Variants in GNA14 observed in about 807,000 individuals in gnomAD.
GNA14 encodes G protein subunit alpha 14, also known as guanine nucleotide-binding protein subunit alpha-14.
A neutral mutation model predicts 42.0 loss-of-function variants in GNA14; 50 were observed. The ratio of observed to expected loss-of-function variants is 1.19; its 90% CI spans 0.95 to 1.51. The LOEUF (loss-of-function observed/expected upper bound fraction) is 1.51. Ranked by LOEUF, GNA14 falls within the 40% of genes most tolerant of loss-of-function variation. The pLI is 0.00. For missense variants in GNA14, 473 were observed against 446.2 expected (o/e 1.06, Z -0.54); for synonymous variants, 173 against 163.1 (o/e 1.06, Z -0.46).
intron 1 of GNA14, among the ~76,000 whole-genome samples, chr9:77,541,174 C>T (rs1313669433): frequency 6.6e-6 from 1 of 152,164 alleles, no homozygotes; most frequent in African/African-American, 2.4e-5. Context: ...CCTTTCACTT[C>T]ACTTCCAGGT....
rs1338137204 is a variant in GNA14, at chr9:77,447,116, A to ATGTTAG, written c.310-12595_310-12594insCTAACA. On this transcript the variant is annotated intron_variant, in intron 2 of 6. Coordinates refer to ENST00000341700, the MANE Select transcript of GNA14 (RefSeq NM_004297.4). ...GTAGCTGGGATTACAGGCACACACC[A>ATGTTAG]CCACGCCGAGTAGAGATGGGGTTTC... Among the ~76,000 whole-genome samples, 8 of 152,028 alleles carry ATGTTAG rather than the reference A, an allele frequency of 5.3e-5. No homozygotes were observed. In the East Asian group the frequency reaches 1.5e-3, roughly 29 times the overall value.
At chr9:77,632,355 C>G (rs1455948990) in intron 1 of GNA14, among the ~76,000 whole-genome samples, 1 of 152,176 alleles carries the variant, frequency 6.6e-6, no homozygotes, top group Non-Finnish European at 1.5e-5. Flanking sequence ...GGCCTGAAGG[C>G]TGTTGGCTGG....
At position 77,474,657 on chromosome 9, in the gene GNA14, G is replaced by C. The variant is rs138161687; in HGVS notation, c.310-40135C>G. Reference sequence around the variant, plus strand: ...GTTCCACTCCTAGGCATATACCCAAGAGAACTGAAGACAAATGTCTACACA... The same window carrying C: ...GTTCCACTCCTAGGCATATACCCAACAGAACTGAAGACAAATGTCTACACA... On this transcript the variant is annotated intron_variant, in intron 2 of 6. Transcript: ENST00000341700. Among the ~76,000 whole-genome samples the C allele has an allele frequency of 4.6e-3, 693 of 152,232 alleles. 6 individuals are homozygous for C. The highest frequency in any genetic ancestry group is 6.8e-3 in the Middle Eastern group (2 of 294).
At chr9:77,570,668 T>C (rs943623155) in intron 1 of GNA14, among the ~76,000 whole-genome samples, 1 of 152,244 alleles carries the variant, frequency 6.6e-6, no homozygotes, top group African/African-American at 2.4e-5. Flanking sequence ...GTTTCCACTC[T>C]TTGGCTACTA....
At chr9:77,538,197 A>G (rs549237836) in intron 1 of GNA14, among the ~76,000 whole-genome samples, 11 of 151,884 alleles carry the variant, frequency 7.2e-5, no homozygotes, top group Non-Finnish European at 1.5e-4. Flanking sequence ...CAGTCTCCCA[A>G]GTAGCTGGGA....
At chr9:77,533,725 C>T (rs994736084) in intron 1 of GNA14, among the ~76,000 whole-genome samples, 1 of 152,178 alleles carries the variant, frequency 6.6e-6, no homozygotes, top group Non-Finnish European at 1.5e-5. Flanking sequence ...GGATCCTCTG[C>T]CTCCCCTCTC....
chr9:77,637,587 T>C (rs1202571995), intron 1 of GNA14, among the ~76,000 whole-genome samples: 1 of 152,236 alleles, frequency 6.6e-6, no homozygotes, highest in African/African-American at 2.4e-5. Flanking sequence ...CTGGGTGCAG[T>C]GGCTCATGCC....
intron 2 of GNA14, among the ~76,000 whole-genome samples, chr9:77,451,355 T>C (rs1001208411): frequency 5.9e-5 from 9 of 152,224 alleles, no homozygotes; most frequent in Non-Finnish European, 8.8e-5. Context: ...GGACATTCTT[T>C]TTTCAAAGTA....
chr9:77,641,621 T>C (rs1419152040), intron 1 of GNA14, among the ~76,000 whole-genome samples: 1 of 152,136 alleles, frequency 6.6e-6, no homozygotes, highest in African/African-American at 2.4e-5. Context: ...TTCAGTGTCG[T>C]AGAAGCAATG....
At chr9:77,567,967 G>A (rs1292874066) in intron 1 of GNA14, among the ~76,000 whole-genome samples, 3 of 152,178 alleles carry the variant, frequency 2.0e-5, no homozygotes, top group Non-Finnish European at 4.4e-5. Context: ...GCCTATGTTT[G>A]GCCCAAAAGA....
intron 2 of GNA14, among the ~76,000 whole-genome samples, chr9:77,523,097 T>C (rs1458729461): frequency 1.3e-5 from 2 of 152,196 alleles, no homozygotes; most frequent in African/African-American, 2.4e-5. Context: ...TCTAGAAACA[T>C]TGCCTTCTAA....
chr9:77,552,142 AAAAAG>A (rs1564051969), intron 1 of GNA14, among the ~76,000 whole-genome samples: 1 of 148,262 alleles, frequency 6.7e-6, no homozygotes, highest in African/African-American at 2.5e-5. Context: ...AAAAAAAAAA[AAAAAG>A]AAAAAGAAAG....
chr9:77,628,850 A>G (rs186553228), intron 1 of GNA14, among the ~76,000 whole-genome samples: 8 of 152,294 alleles, frequency 5.3e-5, no homozygotes, highest in African/African-American at 1.9e-4. Context: ...TGACTAAAGC[A>G]CCAAAAGCAA....
At chr9:77,504,349 T>C (rs912737752) in intron 2 of GNA14, among the ~76,000 whole-genome samples, 1 of 152,134 alleles carries the variant, frequency 6.6e-6, no homozygotes, top group African/African-American at 2.4e-5. Flanking sequence ...TCATAGGGAA[T>C]CTGCTGTCTA....
At chr9:77,615,785 C>A (rs1196775269) in intron 1 of GNA14, among the ~76,000 whole-genome samples, 2 of 150,942 alleles carry the variant, frequency 1.3e-5, no homozygotes, top group African/African-American at 4.9e-5. Context: ...TTTACCATAT[C>A]CAACACTTCA....
At chr9:77,490,756 C>T (rs766336999) in intron 2 of GNA14, among the ~76,000 whole-genome samples, 8 of 152,228 alleles carry the variant, frequency 5.3e-5, no homozygotes, top group African/African-American at 1.2e-4. Flanking sequence ...TTCCTGCTCA[C>T]GCCTCTCCCT....
intron 2 of GNA14, among the ~76,000 whole-genome samples, chr9:77,447,487 A>C (rs1835840811): frequency 6.6e-6 from 1 of 152,178 alleles, no homozygotes; most frequent in African/African-American, 2.4e-5. Context: ...TTTCTTTTTC[A>C]GTTTCTTTCC....
chr9:77,424,550 G>A (rs1387365691), intron 6 of GNA14, among the ~76,000 whole-genome samples: 2 of 152,288 alleles, frequency 1.3e-5, no homozygotes, highest in East Asian at 3.9e-4. Flanking sequence ...ATGTATTCTT[G>A]TTCTTATTTG....
At chr9:77,640,045 A>G (rs1824234055) in intron 1 of GNA14, among the ~76,000 whole-genome samples, 1 of 152,194 alleles carries the variant, frequency 6.6e-6, no homozygotes, top group Non-Finnish European at 1.5e-5. Flanking sequence ...CATGTCCATG[A>G]TACATGTCCC....
Sources: gnomAD v4.1 joint callset for allele counts (sites outside exome capture counted in the v4.1 genomes callset) on GRCh38, gnomAD v4.1.1 for gene constraint, MANE v1.5 for transcripts, NCBI Gene and HGNC (gene_info 2026-07-23, HGNC 2026-07-21) for gene names.